The following RASA2 variants were observed in gnomAD, a reference collection of about 807,000 sequenced individuals.
The protein encoded by RASA2 is RAS p21 protein activator 2, also known as ras GTPase-activating protein 2.
A neutral mutation model predicts 118.2 loss-of-function variants in RASA2; 155 were observed. The ratio of observed to expected loss-of-function variants is 1.31; its 90% CI spans 1.15 to 1.50. The LOEUF (loss-of-function observed/expected upper bound fraction) is 1.50, where lower values mean the gene tolerates loss of function less well. Ranked by LOEUF, RASA2 falls within the 40% of genes most tolerant of loss-of-function variation. The probability of loss-of-function intolerance (pLI) is 0.00; values close to 1 mark genes in which losing one functional copy is unlikely to be tolerated. For missense variants in RASA2, 1,016 were observed against 1,009.6 expected, an observed-to-expected ratio of 1.01 and a Z score of -0.09; for synonymous variants, 353 against 349.1, an observed-to-expected ratio of 1.01 and a Z score of -0.12.
At chr3:141,584,229 G>A (rs1445926852) in intron 17 of RASA2, among the ~76,000 whole-genome samples, 2 of 151,182 alleles carry the variant, frequency 1.3e-5, no homozygotes, top group African/African-American at 4.9e-5. Context: ...TACTCGGGAG[G>A]CTGAGGCAGG....
In RASA2 at chr3:141,559,938, T is replaced by C. The variant is rs1205576907; in HGVS notation, c.806T>C (p.Leu269Pro). Residue 269 changes from leucine (L) to proline (P), a missense_variant, in exon 9 of 24, where the codon CTA (leucine) becomes CCA (proline). Coordinates refer to ENST00000286364, the MANE Select transcript of RASA2 (RefSeq NM_006506.5). ...GGAAACCTAGTCCAAGATGTTTTCC[T>C]AGGTGAGATTAAGGTTCCTGTGAAC... The part of the protein sequence containing the change: ...NNGNLVQDVF[L>P]GEIKVPVNVL... The C allele has an allele frequency of 6.2e-7, 1 of 1,613,250 alleles. No homozygotes were observed. The highest frequency in any genetic ancestry group is 8.5e-7 in the Non-Finnish European group (1 of 1,179,482).
intron 1 of RASA2, among the ~76,000 whole-genome samples, chr3:141,505,796 G>A (rs899808773): frequency 5.9e-5 from 9 of 151,886 alleles, no homozygotes; most frequent in Admixed American, 5.2e-4. Flanking sequence ...GTGTGTGTAC[G>A]TATTAAAAAG....
At chr3:141,505,867 A>G (rs1239311964) in intron 1 of RASA2, among the ~76,000 whole-genome samples, 1 of 152,190 alleles carries the variant, frequency 6.6e-6, no homozygotes, top group Non-Finnish European at 1.5e-5. Flanking sequence ...TATTTAAGAT[A>G]TGTATGATTT....
intron 3 of RASA2, among the ~76,000 whole-genome samples, chr3:141,526,310 T>C (rs1326564007): frequency 1.3e-5 from 2 of 152,176 alleles, no homozygotes; most frequent in African/African-American, 2.4e-5. Flanking sequence ...GTTTAGTGAT[T>C]AAACAACAAA....
chr3:141,509,298 T>G (rs1330716317), intron 1 of RASA2, among the ~76,000 whole-genome samples: 1 of 152,252 alleles, frequency 6.6e-6, no homozygotes, highest in Non-Finnish European at 1.5e-5. Context: ...TTTTATTTAT[T>G]CTGGATAAAT....
At chr3:141,585,642 T>TA (rs957478868) in intron 17 of RASA2, among the ~76,000 whole-genome samples, 4 of 150,278 alleles carry the variant, frequency 2.7e-5, no homozygotes, top group South Asian at 2.1e-4. Flanking sequence ...CTACTAAAAA[T>TA]AAAAAAAAAT....
intron 19 of RASA2, among the ~76,000 whole-genome samples, chr3:141,603,095 C>T (rs981027336): frequency 2.0e-5 from 3 of 152,142 alleles, no homozygotes; most frequent in African/African-American, 7.2e-5. Flanking sequence ...CATGAGTAAA[C>T]TTATCACCGT....
chr3:141,567,713 A>T (rs1348066370), intron 9 of RASA2, among the ~76,000 whole-genome samples: 2 of 152,202 alleles, frequency 1.3e-5, no homozygotes, highest in Non-Finnish European at 1.5e-5. Context: ...AGAGAGGAAC[A>T]GAATAGAGCA....
intron 2 of RASA2, among the ~76,000 whole-genome samples, chr3:141,513,900 C>T (rs1161335794): frequency 6.6e-6 from 1 of 152,138 alleles, no homozygotes; most frequent in African/African-American, 2.4e-5. Flanking sequence ...AAGAAACTAT[C>T]ATTTCAGAGA....
intron 1 of RASA2, among the ~76,000 whole-genome samples, chr3:141,489,386 G>C (rs934026648): frequency 1.3e-5 from 2 of 152,194 alleles, no homozygotes; most frequent in Non-Finnish European, 2.9e-5. Flanking sequence ...GGTTTTGTAG[G>C]GTGGGGACTG....
chr3:141,524,264 C>G (rs117737770), intron 3 of RASA2, among the ~76,000 whole-genome samples: 1 of 152,088 alleles, frequency 6.6e-6, no homozygotes, highest in East Asian at 1.9e-4. Flanking sequence ...ACCACATGGT[C>G]TCCTGATTGG....
chr3:141,496,735 A>C (rs1465265356), intron 1 of RASA2, among the ~76,000 whole-genome samples: 1 of 152,222 alleles, frequency 6.6e-6, no homozygotes, highest in African/African-American at 2.4e-5. Flanking sequence ...AACTAGTTCA[A>C]CTGTTGTGGA....
At chr3:141,588,982 C>T (rs984107053) in intron 19 of RASA2, among the ~76,000 whole-genome samples, 2 of 151,996 alleles carry the variant, frequency 1.3e-5, no homozygotes, top group Non-Finnish European at 2.9e-5. Flanking sequence ...GCTGGGATTA[C>T]AGGCGCCCGC....
intron 7 of RASA2, among the ~76,000 whole-genome samples, chr3:141,557,067 C>G (rs529735753): frequency 6.6e-6 from 1 of 152,288 alleles, no homozygotes; most frequent in East Asian, 1.9e-4. Context: ...TCCCCATTAG[C>G]CCACATACCT....
chr3:141,605,819 T>C (rs563431712), intron 19 of RASA2, among the ~76,000 whole-genome samples: 10 of 152,054 alleles, frequency 6.6e-5, no homozygotes, highest in Admixed American at 3.3e-4. Flanking sequence ...TACTTGAGTG[T>C]TGAGTAGCTT....
chr3:141,572,767 T>G (rs781448485), intron 12 of RASA2, 44 bp downstream of exon 12: 1 of 1,390,452 alleles, frequency 7.2e-7, no homozygotes, highest in Non-Finnish European at 1.0e-6. Context: ...GGCCTTATGA[T>G]AGTTGTTCTT....
Position 141,516,373 on chromosome 3 carries a change from C to G in RASA2, c.297C>G (p.Phe99Leu). 1 of 1,568,598 alleles carries G rather than the reference C, an allele frequency of 6.4e-7. No individual in the cohort carries two copies. Among genetic ancestry groups the G allele is most frequent in the Non-Finnish European group, 8.6e-7 (1 of 1,157,732 alleles). Residue 99 changes from phenylalanine (F) to leucine (L), a missense_variant, in exon 3 of 24, where the codon TTC (phenylalanine) becomes TTG (leucine). Around this residue, in one of 2 missense-constraint regions of RASA2, gnomAD observed 896 missense variants for 836.4 expected, o/e 1.07. Coordinates refer to ENST00000286364, the MANE Select transcript of RASA2 (RefSeq NM_006506.5). ...TTTACTTTGAGATTCCAAGAACTTT[C>G]CAGTATTTGTCTTTCTATGTTTATG... ...EEFYFEIPRT[F>L]QYLSFYVYDK...
At chr3:141,571,121 C>G (rs1334835521) in intron 10 of RASA2, 53 bp downstream of exon 10, 5 of 1,501,440 alleles carry the variant, frequency 3.3e-6, no homozygotes, top group Non-Finnish European at 4.5e-6. Context: ...TAAAATAATT[C>G]TATAAATGAT....
chr3:141,569,915 T>C (rs1263153142), intron 9 of RASA2, among the ~76,000 whole-genome samples: 1 of 152,122 alleles, frequency 6.6e-6, no homozygotes, highest in African/African-American at 2.4e-5. Context: ...TTAATTCGCA[T>C]AGGGTAGTGG....
Sources: gnomAD v4.1 joint callset for allele counts (sites outside exome capture counted in the v4.1 genomes callset) on GRCh38, gnomAD v4.1.1 for gene constraint, gnomAD v4.1.1 regional missense constraint, MANE v1.5 for transcripts, NCBI Gene and HGNC (gene_info 2026-07-23, HGNC 2026-07-21) for gene names.